ROBO2: variants seen among roughly 807,000 people sequenced by gnomAD.
ROBO2 encodes roundabout guidance receptor 2, also known as roundabout homolog 2.
In ROBO2, 53 loss-of-function variants were observed where a neutral mutation model predicts 160.8. The ratio of observed to expected loss-of-function variants is 0.33; its 90% CI spans 0.26 to 0.41. The LOEUF is 0.41. Among genes scored for constraint, ROBO2 ranks in the 10% least tolerant of loss-of-function variants. The pLI is 1.00. For synonymous variants in ROBO2, 664 were observed against 611.7 expected, an observed-to-expected ratio of 1.09 and a Z score of -1.26; for missense variants, 1,577 against 1,722.4, an observed-to-expected ratio of 0.92 and a Z score of 1.49.
At chr3:75,994,077 A>G (rs1446497536) in intron 2 of ROBO2, among the ~76,000 whole-genome samples, 1 of 152,126 alleles carries the variant, frequency 6.6e-6, no homozygotes, top group Admixed American at 6.5e-5. Context: ...CACAAAACCA[A>G]TGCAGGAACC....
intron 2 of ROBO2, among the ~76,000 whole-genome samples, chr3:77,156,287 G>T (rs7429614): frequency 0.3 from 45,400 of 151,776 alleles, 8,135 homozygotes; most frequent in Middle Eastern, 0.46. Context: ...ATGTTGTCAG[G>T]TTTGATTTTA....
chr3:77,430,303 T>G (rs952472872), intron 2 of ROBO2, among the ~76,000 whole-genome samples: 1 of 152,154 alleles, frequency 6.6e-6, no homozygotes, highest in African/African-American at 2.4e-5. Context: ...AATAAAATTT[T>G]TACTTTGGCA....
chr3:76,141,060 C>CACACATATATATATATATATATAT (rs540516906), intron 2 of ROBO2, among the ~76,000 whole-genome samples: 9 of 53,578 alleles, frequency 1.7e-4, no homozygotes, highest in African/African-American at 6.3e-4. Context: ...TTTTTACATA[C>CACACATATATATATATATATATAT]ATATATATAT....
chr3:76,681,107 A>G (rs891702340), intron 2 of ROBO2, among the ~76,000 whole-genome samples: 1 of 152,184 alleles, frequency 6.6e-6, no homozygotes, highest in African/African-American at 2.4e-5. Flanking sequence ...CAGTTATATT[A>G]TTGTCTAAAA....
chr3:77,303,199 T>C (rs2062807417), intron 2 of ROBO2, among the ~76,000 whole-genome samples: 1 of 152,162 alleles, frequency 6.6e-6, no homozygotes, highest in Non-Finnish European at 1.5e-5. Flanking sequence ...TACAAAGCAC[T>C]ATGGATTAAA....
At chr3:76,205,087 A>C (rs1575861831) in intron 2 of ROBO2, among the ~76,000 whole-genome samples, 1 of 152,158 alleles carries the variant, frequency 6.6e-6, no homozygotes, top group East Asian at 1.9e-4. Context: ...TAGTTAAAAA[A>C]CAGACAAAAG....
intron 2 of ROBO2, among the ~76,000 whole-genome samples, chr3:76,952,495 G>C (rs2079018392): frequency 6.6e-6 from 1 of 151,946 alleles, no homozygotes; most frequent in Non-Finnish European, 1.5e-5. Flanking sequence ...TGTTGGCCAG[G>C]ATGGTCTTGA....
intron 2 of ROBO2, among the ~76,000 whole-genome samples, chr3:77,175,117 C>A (rs4683993): frequency 0.48 from 72,632 of 151,724 alleles, 17,626 homozygotes; most frequent in Middle Eastern, 0.64. Flanking sequence ...CTCATTCTGC[C>A]GATGTGGAAA....
At chr3:76,799,624 A>G (rs759777178) in intron 2 of ROBO2, among the ~76,000 whole-genome samples, 1 of 152,144 alleles carries the variant, frequency 6.6e-6, no homozygotes, top group Non-Finnish European at 1.5e-5. Context: ...CCCATTTACA[A>G]TAGCTACAAA....
intron 2 of ROBO2, among the ~76,000 whole-genome samples, chr3:77,373,730 A>G (rs1330491713): frequency 1.3e-5 from 2 of 152,020 alleles, no homozygotes; most frequent in Non-Finnish European, 2.9e-5. Flanking sequence ...CTATAGGGAG[A>G]AAATTCACAG....
At chr3:76,218,554 C>T (rs1178426205) in intron 2 of ROBO2, among the ~76,000 whole-genome samples, 2 of 152,144 alleles carry the variant, frequency 1.3e-5, no homozygotes, top group Non-Finnish European at 2.9e-5. Flanking sequence ...GAGTGAATTC[C>T]CATTCATAAT....
At chr3:76,923,155 A>G (rs993580854) in intron 2 of ROBO2, among the ~76,000 whole-genome samples, 1 of 152,214 alleles carries the variant, frequency 6.6e-6, no homozygotes, top group African/African-American at 2.4e-5. Context: ...TCATCCAGGT[A>G]TAAAGAGGTT....
Position 77,282,426 on chromosome 3 carries a change from T to C in ROBO2, c.388+184086T>C, listed in dbSNP as rs186963364. Among the ~76,000 whole-genome samples the C allele has an allele frequency of 5.9e-3, 898 of 152,214 alleles. 9 individuals carry two copies. Among genetic ancestry groups the C allele is most frequent in the Non-Finnish European group, 8.0e-3 (544 of 67,980 alleles). On this transcript the variant is annotated intron_variant, in intron 2 of 25. Transcript: ENST00000461745. ...AAGTGACCAGAATAATAAAATTTATTACACAGGTTACTTCCTTTAGAGGTT... is the reference window on the plus strand; with the variant it reads ...AAGTGACCAGAATAATAAAATTTATCACACAGGTTACTTCCTTTAGAGGTT...
At chr3:76,473,727 A>G (rs1459789413) in intron 2 of ROBO2, among the ~76,000 whole-genome samples, 1 of 152,156 alleles carries the variant, frequency 6.6e-6, no homozygotes, top group Non-Finnish European at 1.5e-5. Context: ...ATATCTAGGG[A>G]GATACAACAA....
intron 2 of ROBO2, among the ~76,000 whole-genome samples, chr3:76,676,297 C>G (rs532516886): frequency 6.6e-6 from 1 of 151,672 alleles, no homozygotes; most frequent in African/African-American, 2.4e-5. Flanking sequence ...AGGGTTTGCC[C>G]CTCTTCACTT....
chr3:76,701,422 A>G (rs1238705173), intron 2 of ROBO2, among the ~76,000 whole-genome samples: 1 of 152,094 alleles, frequency 6.6e-6, no homozygotes, highest in African/African-American at 2.4e-5. Context: ...GTCAAATGCA[A>G]TTTAATTTGA....
chr3:76,582,087 G>A (rs2085739028), intron 2 of ROBO2, among the ~76,000 whole-genome samples: 1 of 152,148 alleles, frequency 6.6e-6, no homozygotes, highest in Non-Finnish European at 1.5e-5. Flanking sequence ...AAGGAAAATG[G>A]TGTGCCATTG....
intron 2 of ROBO2, among the ~76,000 whole-genome samples, chr3:77,341,473 T>C (rs1486674478): frequency 6.6e-6 from 1 of 152,158 alleles, no homozygotes; most frequent in African/African-American, 2.4e-5. Context: ...TCTAATGTAT[T>C]TTACTGCCAG....
At chr3:77,231,169 C>T (rs1041715235) in intron 2 of ROBO2, among the ~76,000 whole-genome samples, 1 of 151,758 alleles carries the variant, frequency 6.6e-6, no homozygotes, top group African/African-American at 2.4e-5. Flanking sequence ...GTTCGAGACC[C>T]ACCTGACCCA....
Sources: allele counts gnomAD v4.1 joint callset (sites outside exome capture counted in the v4.1 genomes callset), GRCh38; gene constraint gnomAD v4.1.1; transcripts MANE v1.5; gene names NCBI Gene and HGNC (gene_info 2026-07-23, HGNC 2026-07-21).